The following STK32B variants were observed in gnomAD, a reference collection of about 807,000 sequenced individuals.
The protein encoded by STK32B is serine/threonine-protein kinase 32B.
Under a neutral mutation model 52.6 loss-of-function variants are expected in STK32B, and 43 were observed. That is an observed-to-expected ratio of 0.82 (90% CI 0.64 to 1.05). The LOEUF (loss-of-function observed/expected upper bound fraction) is 1.05. Ranked by LOEUF, STK32B falls within the 50% of genes least tolerant of loss-of-function variation. STK32B has a pLI of 0.00. For synonymous variants in STK32B, 238 were observed against 204.3 expected, an observed-to-expected ratio of 1.17 and a Z score of -1.41; for missense variants, 621 against 534.6, an observed-to-expected ratio of 1.16 and a Z score of -1.59.
chr4:5,129,151 A>G (rs1342748546), intron 1 of STK32B, among the ~76,000 whole-genome samples: 1 of 152,220 alleles, frequency 6.6e-6, no homozygotes, highest in African/African-American at 2.4e-5. Context: ...AGTGAGCTTT[A>G]TGGCTTTTAT....
chr4:5,242,379 T>G (rs1485382983), intron 3 of STK32B, among the ~76,000 whole-genome samples: 12 of 152,380 alleles, frequency 7.9e-5, no homozygotes, highest in Middle Eastern at 3.4e-3. Context: ...TGTCTTCTTT[T>G]GAGAAGTGTC....
At chr4:5,323,947 T>C (rs2108943192) in intron 3 of STK32B, among the ~76,000 whole-genome samples, 1 of 152,322 alleles carries the variant, frequency 6.6e-6, no homozygotes, top group Middle Eastern at 3.4e-3. Flanking sequence ...CTGGCTGTCA[T>C]CTTGGACATG....
intron 3 of STK32B, among the ~76,000 whole-genome samples, chr4:5,172,474 A>G (rs1719467421): frequency 1.3e-5 from 2 of 151,700 alleles, no homozygotes; most frequent in South Asian, 4.2e-4. Flanking sequence ...TTATTTTGAG[A>G]TATGTCCCAT....
intron 2 of STK32B, among the ~76,000 whole-genome samples, chr4:5,164,427 CT>C (rs1718705665): frequency 6.6e-6 from 1 of 152,208 alleles, no homozygotes. Flanking sequence ...CCAGGTTGAT[CT>C]CATCCTGAGA....
intron 3 of STK32B, among the ~76,000 whole-genome samples, chr4:5,224,265 G>A (rs958577165): frequency 1.3e-5 from 2 of 152,226 alleles, no homozygotes; most frequent in African/African-American, 4.8e-5. Flanking sequence ...TGTTGTGAGT[G>A]TGATGATATT....
At chr4:5,263,402 C>G (rs914984554) in intron 3 of STK32B, among the ~76,000 whole-genome samples, 2 of 152,132 alleles carry the variant, frequency 1.3e-5, no homozygotes, top group African/African-American at 4.8e-5. Flanking sequence ...CCCATGTGTT[C>G]CCATTAGCCT....
intron 4 of STK32B, among the ~76,000 whole-genome samples, chr4:5,335,563 G>A (rs1390962029): frequency 6.6e-6 from 1 of 151,906 alleles, no homozygotes; most frequent in Non-Finnish European, 1.5e-5. Flanking sequence ...TCTTTAAATT[G>A]TGATGTTAGG....
chr4:5,242,307 T>G (rs1378832060), intron 3 of STK32B, among the ~76,000 whole-genome samples: 4 of 152,242 alleles, frequency 2.6e-5, no homozygotes. Context: ...TGGTTTTGAT[T>G]TGCATTTTTC....
At chr4:5,046,589 T>C (rs893464928), upstream of STK32B, among the ~76,000 whole-genome samples, 16 of 152,284 alleles carry the variant, frequency 1.1e-4, 1 homozygote, top group East Asian at 3.1e-3. Context: ...AATCTACCCA[T>C]CTGATAAAAG....
intron 4 of STK32B, among the ~76,000 whole-genome samples, chr4:5,359,872 T>C (rs1261093214): frequency 6.6e-6 from 1 of 152,094 alleles, no homozygotes; most frequent in Admixed American, 6.5e-5. Flanking sequence ...CATGAGGTAA[T>C]AGGGACTTAT....
intron 1 of STK32B, among the ~76,000 whole-genome samples, chr4:5,105,296 T>A (rs185150562): frequency 6.7e-4 from 102 of 152,274 alleles, no homozygotes; most frequent in African/African-American, 2.3e-3. Context: ...AGAGCAAGAC[T>A]CCATCTCTAC....
At chr4:5,342,859 C>T (rs1474950236) in intron 4 of STK32B, among the ~76,000 whole-genome samples, 1 of 152,102 alleles carries the variant, frequency 6.6e-6, no homozygotes, top group Non-Finnish European at 1.5e-5. Context: ...AAGAGCCTAC[C>T]TTACTTGAAA....
At position 5,150,317 on chromosome 4, in the gene STK32B, T is replaced by G. The variant is rs140189938; in HGVS notation, c.108+10357T>G. Among the ~76,000 whole-genome samples the G allele has an allele frequency of 3.3e-3, 495 of 152,294 alleles. 6 individuals are homozygous for G. The highest frequency in any genetic ancestry group is 0.011 in the African/African-American group (442 of 41,582). On this transcript the variant is annotated intron_variant, in intron 2 of 11. Transcript: ENST00000282908. Reference sequence around the variant, plus strand: ...CATAGTCATAGCAACTGCTTTATTGTCCTTATGCTAATTACAACATCTGGG... The same window carrying G: ...CATAGTCATAGCAACTGCTTTATTGGCCTTATGCTAATTACAACATCTGGG...
intron 2 of STK32B, among the ~76,000 whole-genome samples, chr4:5,152,562 GC>G (rs1423642244): frequency 6.6e-6 from 1 of 152,266 alleles, no homozygotes; most frequent in East Asian, 1.9e-4. Context: ...ACCCCGGTGG[GC>G]TTCTGGAGCC....
rs535471959 is a variant in STK32B, at chr4:5,250,668, T to C, written c.261-80552T>C. Among the ~76,000 whole-genome samples the C allele has an allele frequency of 2.0e-3, 304 of 152,354 alleles. 2 individuals are homozygous for C. The highest frequency in any genetic ancestry group is 6.9e-3 in the African/African-American group (289 of 41,588). ...ACTTTCCACAGTGACTAAACTAATT[T>C]ACTTTTCTACCAGCAGTGTATAAGC... On this transcript the variant is annotated intron_variant, in intron 3 of 11. Coordinates refer to ENST00000282908, the MANE Select transcript of STK32B (RefSeq NM_018401.3).
At position 5,446,634 on chromosome 4, in the gene STK32B, G is replaced by T. The variant is rs373472028; in HGVS notation, c.563-39G>T. On this transcript the variant is annotated intron_variant, in intron 6 of 11. Transcript: ENST00000282908. ...TCTAAGGGGTGGTGGCCATAAACTG[G>T]GATACACAATGATGTTCTCCTTGTC... is the stretch of plus-strand genomic sequence containing the variant. 29 of 1,585,878 alleles carry T rather than the reference G, an allele frequency of 1.8e-5. No homozygotes were observed. The African/African-American group carries it at 3.9e-4, about 21-fold the overall frequency.
intron 1 of STK32B, among the ~76,000 whole-genome samples, chr4:5,064,035 G>C (rs192374407): frequency 3.7e-4 from 56 of 151,816 alleles, no homozygotes; most frequent in Non-Finnish European, 5.7e-4. Context: ...TCTTTATATA[G>C]TCTACATGAC....
upstream of STK32B, among the ~76,000 whole-genome samples, chr4:5,050,559 GTCACAAAGAACCCCTGCTTTCTA>G (rs1273703887): frequency 5.9e-5 from 9 of 152,180 alleles, no homozygotes; most frequent in Non-Finnish European, 1.5e-5. Context: ...GATGGAGAGA[GTCACAAAGAACCCCTGCTTTCTA>G]TCAAAGCACG....
At chr4:5,136,873 G>A (rs910164047) in intron 1 of STK32B, among the ~76,000 whole-genome samples, 2 of 152,156 alleles carry the variant, frequency 1.3e-5, no homozygotes, top group African/African-American at 4.8e-5. Context: ...CACAGGCCGT[G>A]TGCTCAAAGT....
Sources: allele counts gnomAD v4.1 joint callset (sites outside exome capture counted in the v4.1 genomes callset), GRCh38; gene constraint gnomAD v4.1.1; transcripts MANE v1.5; gene names NCBI Gene and HGNC (gene_info 2026-07-23, HGNC 2026-07-21).